Variants in ARK2C observed in about 807,000 individuals in gnomAD.
ARK2C encodes the protein E3 ubiquitin-protein ligase ARK2C.
the ARK2C span, among the ~76,000 whole-genome samples, chr18:46,441,382 G>A: frequency 6.6e-5 from 10 of 152,120 alleles, no homozygotes; most frequent in Admixed American, 5.2e-4. Context: ...ACTGCATCTG[G>A]TAATTTTGGT....
At chr18:46,366,405 C>A in the ARK2C span, among the ~76,000 whole-genome samples, 8 of 152,008 alleles carry the variant, frequency 5.3e-5, no homozygotes, top group African/African-American at 1.9e-4. Flanking sequence ...ACTATATGAC[C>A]TCTCCCTTCT....
At chr18:46,434,096 A>G in the ARK2C span, among the ~76,000 whole-genome samples, 1 of 152,210 alleles carries the variant, frequency 6.6e-6, no homozygotes, top group Non-Finnish European at 1.5e-5. Context: ...AGACAATTCT[A>G]ATCAAATAGG....
chr18:46,445,019 G>A, the ARK2C span, among the ~76,000 whole-genome samples: 2 of 151,132 alleles, frequency 1.3e-5, no homozygotes, highest in African/African-American at 4.9e-5. Context: ...TGTTATTTCT[G>A]TTTCCTAGTT....
chr18:46,437,178 GGCCC>G, the ARK2C span, among the ~76,000 whole-genome samples: 1 of 138,436 alleles, frequency 7.2e-6, no homozygotes, highest in Non-Finnish European at 1.7e-5. Context: ...CCTGCCTAGA[GGCCC>G]GCCTGGTCCA....
the ARK2C span, among the ~76,000 whole-genome samples, chr18:46,436,274 GTA>G: frequency 1.3e-5 from 2 of 152,126 alleles, no homozygotes; most frequent in Non-Finnish European, 2.9e-5. Flanking sequence ...GGGTATATAT[GTA>G]TGTGTGTGTG....
At chr18:46,347,915 A>G in the ARK2C span, among the ~76,000 whole-genome samples, 1 of 152,092 alleles carries the variant, frequency 6.6e-6, no homozygotes, top group Non-Finnish European at 1.5e-5. Flanking sequence ...CCTGTGTTGG[A>G]CCAGGCCCCG....
chr18:46,371,956 C>G, the ARK2C span, among the ~76,000 whole-genome samples: 1 of 152,200 alleles, frequency 6.6e-6, no homozygotes, highest in African/African-American at 2.4e-5. Flanking sequence ...TAAATACTGA[C>G]TCCTAACGTA....
chr18:46,427,276 C>T, the ARK2C span, among the ~76,000 whole-genome samples: 5 of 152,216 alleles, frequency 3.3e-5, no homozygotes, highest in East Asian at 1.9e-4. Context: ...GCTGCCACCC[C>T]GGAGAGAAGG....
the ARK2C span, chr18:46,433,147 T>C: frequency 6.8e-7 from 1 of 1,480,742 alleles, no homozygotes; most frequent in African/African-American, 1.4e-5. Context: ...TGGCGGCCGC[T>C]CGTGCTGGTC....
the ARK2C span, chr18:46,447,483 T>C: frequency 3.3e-6 from 5 of 1,529,334 alleles, no homozygotes; most frequent in South Asian, 2.3e-5. Flanking sequence ...TTCTACTCCA[T>C]AGGCTTGATG....
At chr18:46,416,389 C>T in the ARK2C span, among the ~76,000 whole-genome samples, 4 of 152,270 alleles carry the variant, frequency 2.6e-5, no homozygotes, top group Non-Finnish European at 4.4e-5. Context: ...CGTAAGCATC[C>T]GCCAAGCACC....
the ARK2C span, among the ~76,000 whole-genome samples, chr18:46,400,389 G>A: frequency 6.6e-6 from 1 of 152,188 alleles, no homozygotes; most frequent in Non-Finnish European, 1.5e-5. Context: ...CATAGATATG[G>A]CTTTAAGAGC....
the ARK2C span, chr18:46,447,298 G>A: frequency 2.5e-6 from 1 of 401,084 alleles, no homozygotes. Context: ...TTTGTCTTGG[G>A]AGGGAGCTTT....
At chr18:46,340,072 C>G in the ARK2C span, among the ~76,000 whole-genome samples, 2 of 152,234 alleles carry the variant, frequency 1.3e-5, no homozygotes, top group Non-Finnish European at 2.9e-5. Flanking sequence ...TTCCCTCAAT[C>G]CTACTCCACA....
At chr18:46,453,538 T>TA in the ARK2C span, among the ~76,000 whole-genome samples, 6 of 150,942 alleles carry the variant, frequency 4.0e-5, no homozygotes, top group East Asian at 2.0e-4. Context: ...TAAAATATTA[T>TA]AAAAAAAGAA....
the ARK2C span, among the ~76,000 whole-genome samples, chr18:46,428,169 G>A: frequency 6.6e-6 from 1 of 151,972 alleles, no homozygotes; most frequent in African/African-American, 2.4e-5. Flanking sequence ...CCAGCACGTT[G>A]GGAGGCCGAG....
At chr18:46,456,809 G>A in the ARK2C span, 1 of 604,196 alleles carries the variant, frequency 1.7e-6, no homozygotes, top group Non-Finnish European at 3.0e-6. Context: ...GAGGGGGTTG[G>A]GGAGGACCCA....
the ARK2C span, among the ~76,000 whole-genome samples, chr18:46,453,863 T>C: frequency 6.6e-6 from 1 of 151,882 alleles, no homozygotes; most frequent in Non-Finnish European, 1.5e-5. Context: ...CACTGGCTCA[T>C]GCACTCTGGG....
the ARK2C span, among the ~76,000 whole-genome samples, chr18:46,409,547 C>G: frequency 6.6e-6 from 1 of 151,966 alleles, no homozygotes; most frequent in African/African-American, 2.4e-5. Flanking sequence ...TTGGGGGAAG[C>G]TAAGAGGCTG....
Sources: gnomAD v4.1 joint callset for allele counts (sites outside exome capture counted in the v4.1 genomes callset) on GRCh38, gnomAD v4.1.1 for gene constraint, MANE v1.5 for transcripts, NCBI Gene and HGNC (gene_info 2026-07-23, HGNC 2026-07-21) for gene names.